Variants in SVOPL observed in about 807,000 individuals in gnomAD.
SVOPL encodes putative transporter SVOPL.
In SVOPL, 60 loss-of-function variants were observed where a neutral mutation model predicts 61.0. That is an observed-to-expected ratio of 0.98 (90% CI 0.80 to 1.22). The LOEUF (loss-of-function observed/expected upper bound fraction) is 1.22, where lower values mean the gene tolerates loss of function less well. Among genes scored for constraint, SVOPL ranks in the 50% most tolerant of loss-of-function variants. SVOPL has a pLI of 0.00. For missense variants in SVOPL, 662 were observed against 643.9 expected (o/e 1.03, Z -0.30); for synonymous variants, 279 against 250.0 (o/e 1.12, Z -1.09).
At chr7:138,597,092 C>T in intron 14 of SVOPL, 1 of 1,227,226 alleles carries the variant, frequency 8.1e-7, no homozygotes, top group Non-Finnish European at 1.0e-6. Flanking sequence ...TTCTGTCCAT[C>T]TGTACACATG....
At chr7:138,673,196 G>T (rs759441653) in intron 3 of SVOPL, among the ~76,000 whole-genome samples, 4 of 152,164 alleles carry the variant, frequency 2.6e-5, no homozygotes, top group Non-Finnish European at 2.9e-5. Context: ...TGACTTGGAG[G>T]TCTGGGATGA....
At chr7:138,619,235 C>G (rs1247038611) in intron 14 of SVOPL, among the ~76,000 whole-genome samples, 1 of 151,894 alleles carries the variant, frequency 6.6e-6, no homozygotes, top group Non-Finnish European at 1.5e-5. Flanking sequence ...TAGTGAGACT[C>G]CATCTCTAAA....
chr7:138,669,653 T>TCC lies in SVOPL; in HGVS notation c.273+2364_273+2365dup, dbSNP rs572779820. 2.5e-4 allele frequency among the ~76,000 whole-genome samples: 38 copies of TCC among 152,278 alleles called. No individual in the cohort carries two copies. In the South Asian group the frequency reaches 6.9e-3, roughly 27 times the overall value. On this transcript the variant is annotated intron_variant, in intron 4 of 15. Transcript: ENST00000674285. ...CTTCCTGTAATGCGTGCCTCACTCC[T>TCC]CCCTGGTTCATTCATTCTCACTTAT...
intron 8 of SVOPL, among the ~76,000 whole-genome samples, chr7:138,645,324 C>A (rs537002874): frequency 2.0e-5 from 3 of 152,132 alleles, no homozygotes; most frequent in Non-Finnish European, 4.4e-5. Context: ...TTTTGAACAT[C>A]GCACGCAGAA....
chr7:138,657,550 A>G (rs1172238074), intron 6 of SVOPL, among the ~76,000 whole-genome samples: 1 of 152,198 alleles, frequency 6.6e-6, no homozygotes, highest in East Asian at 1.9e-4. Flanking sequence ...AATTAAGTAC[A>G]TATTTTCTTC....
chr7:138,650,106 A>AG (rs1195348799), intron 7 of SVOPL, among the ~76,000 whole-genome samples: 3 of 152,226 alleles, frequency 2.0e-5, no homozygotes, highest in Admixed American at 2.0e-4. Context: ...CTGGGATTAC[A>AG]GGCGCGAGCC....
rs765749268 is a variant in SVOPL, at chr7:138,621,122, G to C, written c.1277C>G (p.Thr426Arg). ...YIYTAEVYPTTMRALGMGTSG... is the reference protein window; with the variant it reads ...YIYTAEVYPTRMRALGMGTSG... The stretch of plus-strand genomic sequence containing the variant: ...GGTTCCCATCCCCAAAGCGCGCATC[G>C]TGGTGGGGTAGACCTGCAGGGAGAG... Residue 426 changes from threonine to arginine, a missense_variant, in exon 14 of 16, where the codon ACG (threonine) becomes AGG (arginine). Physicochemically the swap from Thr to Arg is moderately conservative, Grantham distance 71 (BLOSUM62 -1). Transcript: ENST00000674285. 6.2e-6 allele frequency: 10 copies of C among 1,613,630 alleles called. No individual in the cohort carries two copies. Among genetic ancestry groups the C allele is most frequent in the East Asian group, 2.2e-5 (1 of 44,842 alleles).
intron 14 of SVOPL, among the ~76,000 whole-genome samples, chr7:138,607,612 T>C (rs532640406): frequency 6.6e-6 from 1 of 152,020 alleles, no homozygotes; most frequent in South Asian, 2.1e-4. Context: ...CAAGAATGAT[T>C]TTGGTGGAGT....
intron 4 of SVOPL, among the ~76,000 whole-genome samples, chr7:138,669,331 C>T (rs935033482): frequency 3.3e-5 from 5 of 152,036 alleles, no homozygotes; most frequent in African/African-American, 1.2e-4. Context: ...TTATTTGAGC[C>T]CAGGAGTTCA....
At chr7:138,651,326 T>C (rs1043051416) in intron 7 of SVOPL, among the ~76,000 whole-genome samples, 2 of 152,194 alleles carry the variant, frequency 1.3e-5, no homozygotes, top group African/African-American at 4.8e-5. Context: ...ACCTTGGAAT[T>C]GGACCTATGG....
chr7:138,642,506 G>C (rs1000722589), intron 9 of SVOPL, among the ~76,000 whole-genome samples: 3 of 151,868 alleles, frequency 2.0e-5, no homozygotes, highest in Non-Finnish European at 4.4e-5. Flanking sequence ...TGAAAACCCA[G>C]ATAAATTAAA....
intron 3 of SVOPL, among the ~76,000 whole-genome samples, chr7:138,677,280 G>A (rs1802589898): frequency 6.6e-6 from 1 of 152,052 alleles, no homozygotes; most frequent in Admixed American, 6.6e-5. Context: ...AAAGACTGCT[G>A]CGTCCAATGA....
chr7:138,685,786 CACTTAA>C (rs1802796176), intron 1 of SVOPL, among the ~76,000 whole-genome samples: 3 of 151,846 alleles, frequency 2.0e-5, no homozygotes, highest in East Asian at 3.9e-4. Context: ...GCAGGAGAAT[CACTTAA>C]ACCCAGGAGG....
At chr7:138,641,825 T>A (rs1800809685) in intron 9 of SVOPL, among the ~76,000 whole-genome samples, 2 of 140,082 alleles carry the variant, frequency 1.4e-5, no homozygotes, top group Non-Finnish European at 3.1e-5. Context: ...TATATATATA[T>A]ATATATATAA....
intron 9 of SVOPL, among the ~76,000 whole-genome samples, chr7:138,632,162 T>C (rs1800234703): frequency 6.6e-6 from 1 of 152,180 alleles, no homozygotes; most frequent in African/African-American, 2.4e-5. Flanking sequence ...CCAGACACGG[T>C]GGTTCATGCC....
At chr7:138,600,311 T>G (rs920928137) in intron 14 of SVOPL, among the ~76,000 whole-genome samples, 1 of 152,212 alleles carries the variant, frequency 6.6e-6, no homozygotes, top group Non-Finnish European at 1.5e-5. Context: ...AAACTTGCTA[T>G]CCCTGGCCAG....
chr7:138,599,159 C>A (rs9642099), intron 14 of SVOPL, among the ~76,000 whole-genome samples: 44,631 of 81,996 alleles, frequency 0.54, 11,589 homozygotes, highest in East Asian at 0.74. Flanking sequence ...AAAAAAAAAC[C>A]AAAAAAAAAA....
intron 4 of SVOPL, among the ~76,000 whole-genome samples, chr7:138,666,876 C>T (rs1802277132): frequency 6.6e-6 from 1 of 152,164 alleles, no homozygotes; most frequent in Admixed American, 6.5e-5. Flanking sequence ...ATGATGCCAG[C>T]CTTGTGAAAC....
Position 138,678,536 on chromosome 7 carries a change from AAGAC to A in SVOPL, c.83-15_83-12del, listed in dbSNP as rs1373404624. 1 of 1,551,596 alleles carries A rather than the reference AAGAC, an allele frequency of 6.4e-7. No individual in the cohort carries two copies. The highest frequency in any genetic ancestry group is 2.0e-5 in the Admixed American group (1 of 50,888). On this transcript the variant is annotated splice_polypyrimidine_tract_variant and intron_variant, in intron 2 of 15. Coordinates refer to ENST00000674285, the MANE Select transcript of SVOPL (RefSeq NM_001139456.2). ...TGAACGTCTTTGGCTCTAACAACGA[AAGAC>A]AAAGTGGAAAAAATTGCTTCTGCAG...
Sources: gnomAD v4.1 joint callset for allele counts (sites outside exome capture counted in the v4.1 genomes callset) on GRCh38, gnomAD v4.1.1 for gene constraint, MANE v1.5 for transcripts, NCBI Gene and HGNC (gene_info 2026-07-23, HGNC 2026-07-21) for gene names.